The following TBC1D10B variants were observed in gnomAD, a reference collection of about 807,000 sequenced individuals.
TBC1D10B encodes Rab27A-GAPbeta.
TBC1D10B carries 25 observed loss-of-function variants against 78.4 expected under a neutral mutation model. The ratio of observed to expected loss-of-function variants is 0.32; its 90% CI spans 0.23 to 0.45. The LOEUF is 0.45. Among genes scored for constraint, TBC1D10B ranks in the 20% least tolerant of loss-of-function variants. The probability of loss-of-function intolerance (pLI) is 1.00; values close to 1 mark genes in which losing one functional copy is unlikely to be tolerated. For synonymous variants in TBC1D10B, 517 were observed against 478.0 expected, an observed-to-expected ratio of 1.08 and a Z score of -1.06; for missense variants, 996 against 1,104.8, an observed-to-expected ratio of 0.90 and a Z score of 1.40.
rs371831714 is a variant in TBC1D10B at position 30,358,549 on chromosome 16, C to G, written c.1822G>C (p.Ala608Pro). 3.7e-6 allele frequency: 6 copies of G among 1,602,906 alleles called. No homozygotes were observed. Among genetic ancestry groups the G allele is most frequent in the Non-Finnish European group, 4.3e-6 (5 of 1,171,564 alleles). The change falls in exon 9 of 9, where the codon GCA becomes CCA. Residue 608 changes from alanine to proline, a missense_variant. Physicochemically the swap from Ala to Pro is conservative, Grantham distance 27. Around this residue, in one of 5 missense-constraint regions of TBC1D10B, gnomAD observed 168 missense variants for 238.7 expected, o/e 0.70. Coordinates refer to ENST00000409939, the MANE Select transcript of TBC1D10B (RefSeq NM_015527.4). ...GCTGCATTCTCCCGCTCAATCAGTG[C>G]TTCTGTCACCGGCAGATTGGTCACC... The part of the protein sequence containing the change: ...HEVTNLPVTE[A>P]LIERENAAQL...
At position 30,359,809 on chromosome 16, in the gene TBC1D10B, T is replaced by C. The variant is rs1219026859; in HGVS notation, c.1304A>G (p.Tyr435Cys). The C allele has an allele frequency of 1.3e-6, 2 of 1,575,114 alleles. No individual in the cohort carries two copies. Among genetic ancestry groups the C allele is most frequent in the Non-Finnish European group, 1.7e-6 (2 of 1,160,066 alleles). ...ACCCTCGTCAGGCCGGTAGATGGTG[T>C]AGGCCTTCAGGATTCGGTACAGGTC... ...QQDLYRILKA[Y>C]TIYRPDEGYC... is the part of the protein sequence containing the mutation. The change falls in exon 5 of 9, where the codon TAC becomes TGC. Residue 435 changes from tyrosine (Y) to cysteine (C), a missense_variant. Physicochemically the swap from Tyr to Cys is radical, Grantham distance 194. Transcript: ENST00000409939.
In TBC1D10B at chr16:30,364,992, A is replaced by G. The variant is rs776932407; in HGVS notation, c.1179T>C (p.Ala393=). The G allele has an allele frequency of 6.2e-7, 1 of 1,613,252 alleles. No homozygotes were observed. Among genetic ancestry groups the G allele is most frequent in the South Asian group, 1.1e-5 (1 of 90,956 alleles). ...CATCCAGCCACTTGGGGTCCCCAGGAGCCCGTTCCAGCTCCTGCAGTGGGA... is the reference window on the plus strand; with the variant it reads ...CATCCAGCCACTTGGGGTCCCCAGGGGCCCGTTCCAGCTCCTGCAGTGGGA... ...NPGKFEELER[A]PGDPKWLDVI... Residue 393 remains alanine, a synonymous_variant, in exon 4 of 9, where the codon GCT becomes GCC. Transcript: ENST00000409939.
chr16:30,365,297 T>A lies in TBC1D10B; in HGVS notation c.1057-85A>T. ...CCCAGCAGTCCACAAACTCCCTGGA[T>A]ACTCCTCCGACATCCCATAGGCTTG... is the stretch of plus-strand genomic sequence containing the variant. On this transcript the variant is annotated intron_variant, in intron 2 of 8. Transcript: ENST00000409939. This position sits in a 1 kb window ranked among gnomAD's most constrained non-coding sequence, Gnocchi z 5.0. The A allele has an allele frequency of 3.8e-6, 5 of 1,330,298 alleles. No homozygotes were observed. Among genetic ancestry groups the A allele is most frequent in the Non-Finnish European group, 5.3e-6 (5 of 935,328 alleles). The allele number at this position is 1,330,298 out of a possible 1,614,324, so 82.4% of individuals were successfully genotyped here.
At position 30,369,695 on chromosome 16, in the gene TBC1D10B, A is replaced by C. The variant is rs1274091831; in HGVS notation, c.489T>G (p.Gly163=). ...PTRTPSRTAP[G]ALTAKPPLAP... is the part of the protein sequence containing the mutation. ...CAAGCGGGGGTTTGGCGGTCAGGGC[A>C]CCAGGAGCCGTTCTGGAAGGGGTCC... The change falls in exon 1 of 9, where the codon GGT becomes GGG. Residue 163 remains glycine, a synonymous_variant. Coordinates refer to ENST00000409939, the MANE Select transcript of TBC1D10B (RefSeq NM_015527.4). This position sits in a 1 kb window ranked among gnomAD's most constrained non-coding sequence, Gnocchi z 4.3. The C allele has an allele frequency of 1.3e-6, 2 of 1,519,942 alleles. No individual in the cohort carries two copies. The highest frequency in any genetic ancestry group is 2.5e-5 in the South Asian group (2 of 79,696). 94.2% of individuals were successfully genotyped at this position (1,519,942 alleles called of 1,614,324 possible).
At chr16:30,364,093 G>A (rs2049617317) in intron 4 of TBC1D10B, among the ~76,000 whole-genome samples, 5 of 150,824 alleles carry the variant, frequency 3.3e-5, no homozygotes, top group East Asian at 1.9e-4. Flanking sequence ...CTCCTGCCTC[G>A]GCAACAAGAG....
At position 30,365,013 on chromosome 16, in the gene TBC1D10B, T is replaced by C; in HGVS notation, c.1165-7A>G. 3 of 1,613,192 alleles carry C rather than the reference T, an allele frequency of 1.9e-6. No individual in the cohort carries two copies. The highest frequency in any genetic ancestry group is 2.5e-6 in the Non-Finnish European group (3 of 1,179,502). On this transcript the variant is annotated splice_polypyrimidine_tract_variant and splice_region_variant and intron_variant, in intron 3 of 8. Coordinates refer to ENST00000409939, the MANE Select transcript of TBC1D10B (RefSeq NM_015527.4). The surrounding 1 kb of genome is among the most constrained non-coding windows in gnomAD (Gnocchi z 5.0). The stretch of plus-strand genomic sequence containing the variant: ...CAGGAGCCCGTTCCAGCTCCTGCAG[T>C]GGGACAGTGGGGATTACCTCAGCAT...
At chr16:30,368,379 T>C (rs2049653290) in intron 1 of TBC1D10B, among the ~76,000 whole-genome samples, 1 of 152,160 alleles carries the variant, frequency 6.6e-6, no homozygotes, top group East Asian at 1.9e-4. Flanking sequence ...GTACTTTTCT[T>C]TCTCTCCAGA....
rs983270195 is a variant in TBC1D10B, at chr16:30,358,085, C to T, written c.2286G>A (p.Lys762=). The change falls in exon 9 of 9, where the codon AAG becomes AAA. Residue 762 remains lysine (K), a synonymous_variant. Coordinates refer to ENST00000409939, the MANE Select transcript of TBC1D10B (RefSeq NM_015527.4). Reference sequence around the variant, plus strand: ...CCTGCTTCTGCCGCTCCTTCTCCTGCTTCTCTCGCTCCTTTTCCTGCTTCT... The same window carrying T: ...CCTGCTTCTGCCGCTCCTTCTCCTGTTTCTCTCGCTCCTTTTCCTGCTTCT... ...EREKQEKERE[K]QEKERQKQEK... 18 of 1,550,314 alleles carry T rather than the reference C, an allele frequency of 1.2e-5. No individual in the cohort carries two copies. Among genetic ancestry groups the T allele is most frequent in the African/African-American group, 2.7e-5 (2 of 73,154 alleles).
chr16:30,365,741 T>C lies in TBC1D10B; in HGVS notation c.957-147A>G. 2 of 716,536 alleles carry C rather than the reference T, an allele frequency of 2.8e-6. No homozygotes were observed. Among genetic ancestry groups the C allele is most frequent in the South Asian group, 1.6e-5 (1 of 61,122 alleles). 44.4% of individuals were successfully genotyped at this position (716,536 alleles called of 1,614,324 possible). ...CCAAACATCAGGATGTCTGGCCACTTGGGCATCCCAAGGCACACTGAAAGG... is the reference window on the plus strand; with the variant it reads ...CCAAACATCAGGATGTCTGGCCACTCGGGCATCCCAAGGCACACTGAAAGG... On this transcript the variant is annotated intron_variant, in intron 1 of 8. Coordinates refer to ENST00000409939, the MANE Select transcript of TBC1D10B (RefSeq NM_015527.4). This position sits in a 1 kb window ranked among gnomAD's most constrained non-coding sequence, Gnocchi z 5.0.
chr16:30,359,968 G>C (rs532858067), intron 4 of TBC1D10B, 127 bp from the exon 5 acceptor site: 23 of 865,194 alleles, frequency 2.7e-5, no homozygotes, highest in Non-Finnish European at 3.5e-5. Context: ...CCTGCTGAGC[G>C]AGCTTCAGCT....
At position 30,364,888 on chromosome 16, in the gene TBC1D10B, C is replaced by T. The variant is rs375893225; in HGVS notation, c.1271+12G>A. 1.1e-5 allele frequency: 18 copies of T among 1,596,904 alleles called. No homozygotes were observed. The highest frequency in any genetic ancestry group is 4.0e-5 in the African/African-American group (3 of 74,294). ...TGTTTGCTGACTGACCCCCATGGTC[C>T]GGCCACCTTACCCATGCCCCCCTCG... is the stretch of plus-strand genomic sequence containing the variant. On this transcript the variant is annotated intron_variant, in intron 4 of 8. Coordinates refer to ENST00000409939, the MANE Select transcript of TBC1D10B (RefSeq NM_015527.4).
intron 4 of TBC1D10B, among the ~76,000 whole-genome samples, chr16:30,362,184 C>T (rs1190575330): frequency 6.6e-6 from 1 of 151,846 alleles, no homozygotes; most frequent in Admixed American, 6.6e-5. Flanking sequence ...GGGGTTTCAC[C>T]ATGTTGGCCA....
chr16:30,361,282 C>G (rs2049597024), intron 4 of TBC1D10B, among the ~76,000 whole-genome samples: 1 of 152,110 alleles, frequency 6.6e-6, no homozygotes, highest in South Asian at 2.1e-4. Flanking sequence ...GACAGTCAAG[C>G]TCTGTCTCAA....
At chr16:30,362,727 C>A (rs960069694) in intron 4 of TBC1D10B, among the ~76,000 whole-genome samples, 1 of 152,162 alleles carries the variant, frequency 6.6e-6, no homozygotes, top group African/African-American at 2.4e-5. Context: ...ATCTAGAGGT[C>A]CAATAAGCAT....
rs1277558423 is a variant in TBC1D10B at position 30,358,024 on chromosome 16, G to A, written c.2347C>T (p.Arg783Ter). 2.6e-6 allele frequency: 4 copies of A among 1,551,716 alleles called. No homozygotes were observed. The highest frequency in any genetic ancestry group is 1.2e-5 in the South Asian group (1 of 84,072). Residue 783 changes from arginine to a stop codon, truncating the protein, a stop_gained, in exon 9 of 9, where the codon CGA (arginine) becomes TGA (stop). Transcript: ENST00000409939. LOFTEE classifies it high-confidence loss of function. ...GGGCCTGGGGGCCCATCTGCCTTTC[G>A]ACGCAGCGAAAGCTTCCGGCCTTGA... ...KAQGRKLSLR[R>*]KADGPPGPHD...
rs948461056 is a variant in TBC1D10B, at chr16:30,357,673, A to G, written c.*271T>C. 2.1e-5 allele frequency: 12 copies of G among 565,124 alleles called. No individual in the cohort carries two copies. The African/African-American group carries it at 2.2e-4, about 11-fold the overall frequency. The allele number at this position is 565,124 out of a possible 1,614,324, so 35.0% of individuals were successfully genotyped here. A position where few individuals can be genotyped will look rare whatever the true frequency, so the allele number is the denominator to read the frequency against. Reference sequence around the variant, plus strand: ...GGGATGACAACGGGCCATTCAGGACAGCACCTAGGAGGGGACCCAGAGGGA... The same window carrying G: ...GGGATGACAACGGGCCATTCAGGACGGCACCTAGGAGGGGACCCAGAGGGA... On this transcript the variant is annotated 3_prime_UTR_variant, in exon 9 of 9. Coordinates refer to ENST00000409939, the MANE Select transcript of TBC1D10B (RefSeq NM_015527.4).
chr16:30,359,306 G>T lies in TBC1D10B; in HGVS notation c.1508C>A (p.Pro503Gln). Residue 503 changes from proline (P) to glutamine (Q), a missense_variant, in exon 7 of 9, where the codon CCG (proline) becomes CAG (glutamine). Coordinates refer to ENST00000409939, the MANE Select transcript of TBC1D10B (RefSeq NM_015527.4). ...CCGCCGCAGGTGGCGATGCGCCAGC[G>T]GGGAGGCCCGGCGCAGGAGTGCAAA... ...IFFALLRRAS[P>Q]LAHRHLRRQR... 6.2e-7 allele frequency: 1 copy of T among 1,601,044 alleles called. No individual in the cohort carries two copies. The highest frequency in any genetic ancestry group is 8.5e-7 in the Non-Finnish European group (1 of 1,174,006).
At position 30,365,219 on chromosome 16, in the gene TBC1D10B, C is replaced by G. The variant is rs1327859814; in HGVS notation, c.1057-7G>C. The G allele has an allele frequency of 2.5e-6, 4 of 1,613,234 alleles. No individual in the cohort carries two copies. Among genetic ancestry groups the G allele is most frequent in the Non-Finnish European group, 3.4e-6 (4 of 1,179,336 alleles). Reference sequence around the variant, plus strand: ...TCCGGCAGCGCAGCTTCACCTAAGGCAAAGTGGCAGGAGGGGGACAGCTTC... The same window carrying G: ...TCCGGCAGCGCAGCTTCACCTAAGGGAAAGTGGCAGGAGGGGGACAGCTTC... On this transcript the variant is annotated splice_polypyrimidine_tract_variant and splice_region_variant and intron_variant, in intron 2 of 8. Coordinates refer to ENST00000409939, the MANE Select transcript of TBC1D10B (RefSeq NM_015527.4). This position sits in a 1 kb window ranked among gnomAD's most constrained non-coding sequence, Gnocchi z 5.0.
Position 30,357,741 on chromosome 16 carries a change from A to C in TBC1D10B, c.*203T>G, listed in dbSNP as rs1338165724. 1.4e-6 allele frequency: 1 copy of C among 713,516 alleles called. No homozygotes were observed. Among genetic ancestry groups the C allele is most frequent in the Non-Finnish European group, 2.3e-6 (1 of 442,588 alleles). The allele number at this position is 713,516 out of a possible 1,614,324, so 44.2% of individuals were successfully genotyped here. On this transcript the variant is annotated 3_prime_UTR_variant, in exon 9 of 9. Coordinates refer to ENST00000409939, the MANE Select transcript of TBC1D10B (RefSeq NM_015527.4). Reference sequence around the variant, plus strand: ...AGAGACCCCAGCTGAGCCTCATGGGAGATGAGAGGCTCCAGACTCATTTGC... The same window carrying C: ...AGAGACCCCAGCTGAGCCTCATGGGCGATGAGAGGCTCCAGACTCATTTGC...
Sources: gnomAD v4.1 joint callset for allele counts (sites outside exome capture counted in the v4.1 genomes callset) on GRCh38, gnomAD v4.1.1 for gene constraint, gnomAD v4.1.1 regional missense constraint, Gnocchi (gnomAD v3.1) non-coding constraint, MANE v1.5 for transcripts, NCBI Gene and HGNC (gene_info 2026-07-23, HGNC 2026-07-21) for gene names.